The following IGF1R variants were observed in gnomAD, a reference collection of about 807,000 sequenced individuals.
The protein encoded by IGF1R is insulin-like growth factor 1 receptor.
Under a neutral mutation model 144.6 loss-of-function variants are expected in IGF1R, and 44 were observed. The observed-to-expected ratio is 0.30, with a 90% CI of 0.24 to 0.39. IGF1R has a LOEUF of 0.39. Ranked by LOEUF, IGF1R falls within the 10% of genes least tolerant of loss-of-function variation. The pLI, the probability that IGF1R is intolerant of heterozygous loss-of-function variation, is 1.00. For synonymous variants in IGF1R, 795 were observed against 722.8 expected, an observed-to-expected ratio of 1.10 and a Z score of -1.60; for missense variants, 1,355 against 1,833.7, an observed-to-expected ratio of 0.74 and a Z score of 4.77.
intron 8 of IGF1R, among the ~76,000 whole-genome samples, chr15:98,914,749 C>T (rs962094136): frequency 5.3e-5 from 8 of 152,124 alleles, no homozygotes; most frequent in Non-Finnish European, 1.2e-4. Context: ...TGAGTCAGTT[C>T]ACTACGTTTT....
At chr15:98,888,438 A>AGAGAGT (rs1555457179) in intron 2 of IGF1R, among the ~76,000 whole-genome samples, 2,809 of 143,392 alleles carry the variant, frequency 0.02, 39 homozygotes, top group South Asian at 0.046. Flanking sequence ...AGAGAGAGAG[A>AGAGAGT]GTGTGTGTGT....
At chr15:98,725,308 A>G (rs2054331899) in intron 2 of IGF1R, among the ~76,000 whole-genome samples, 1 of 152,192 alleles carries the variant, frequency 6.6e-6, no homozygotes, top group Non-Finnish European at 1.5e-5. Flanking sequence ...TCTGAATTGG[A>G]AAAAAACAAA....
At chr15:98,764,054 C>T (rs1263975459) in intron 2 of IGF1R, among the ~76,000 whole-genome samples, 1 of 152,220 alleles carries the variant, frequency 6.6e-6, no homozygotes, top group South Asian at 2.1e-4. Context: ...CTTGTCATGG[C>T]ATCCGATTTG....
At chr15:98,678,112 G>T (rs2053093747) in intron 1 of IGF1R, among the ~76,000 whole-genome samples, 1 of 152,136 alleles carries the variant, frequency 6.6e-6, no homozygotes. Flanking sequence ...GTCATCAGAT[G>T]TCATTTTGGC....
At chr15:98,856,483 G>T (rs1242814975) in intron 2 of IGF1R, among the ~76,000 whole-genome samples, 1 of 152,216 alleles carries the variant, frequency 6.6e-6, no homozygotes, top group Non-Finnish European at 1.5e-5. Context: ...TGGGCCTGGT[G>T]TTTAACTGCA....
intron 1 of IGF1R, among the ~76,000 whole-genome samples, chr15:98,680,270 CTT>C (rs61048587): frequency 2.8e-4 from 40 of 145,206 alleles, no homozygotes; most frequent in East Asian, 2.2e-3. Flanking sequence ...CGTATGTATA[CTT>C]TTTTTTTTTT....
intron 18 of IGF1R, among the ~76,000 whole-genome samples, chr15:98,940,468 A>G (rs564615165): frequency 6.6e-6 from 1 of 152,352 alleles, no homozygotes; most frequent in Non-Finnish European, 1.5e-5. Context: ...CAGTGGCACA[A>G]TCTTGGCTCA....
At chr15:98,939,530 G>A (rs762720490) in intron 18 of IGF1R, among the ~76,000 whole-genome samples, 170 bp downstream of exon 18, 13 of 152,142 alleles carry the variant, frequency 8.5e-5, no homozygotes, top group Admixed American at 2.6e-4. Context: ...AACCTGGCAC[G>A]GTCGGTCCCA....
intron 2 of IGF1R, among the ~76,000 whole-genome samples, chr15:98,833,598 A>AG (rs2057040784): frequency 6.6e-6 from 1 of 152,236 alleles, no homozygotes; most frequent in African/African-American, 2.4e-5. Context: ...GAATGGGAAT[A>AG]GGGAGAAGGT....
At chr15:98,744,147 G>A (rs931873108) in intron 2 of IGF1R, among the ~76,000 whole-genome samples, 3 of 151,970 alleles carry the variant, frequency 2.0e-5, no homozygotes, top group Non-Finnish European at 4.4e-5. Context: ...AAACACACAT[G>A]AGATAATTCT....
intron 2 of IGF1R, among the ~76,000 whole-genome samples, chr15:98,761,449 C>T (rs1240548647): frequency 6.6e-6 from 1 of 152,170 alleles, no homozygotes; most frequent in African/African-American, 2.4e-5. Context: ...GGAAAAGTGA[C>T]TTCATGGACC....
intron 5 of IGF1R, among the ~76,000 whole-genome samples, chr15:98,905,932 G>GT (rs1196130650): frequency 6.6e-6 from 1 of 152,138 alleles, no homozygotes; most frequent in Non-Finnish European, 1.5e-5. Context: ...AACAAGCATG[G>GT]TATTGACAGG....
At chr15:98,811,654 T>C (rs2056591927) in intron 2 of IGF1R, among the ~76,000 whole-genome samples, 1 of 151,708 alleles carries the variant, frequency 6.6e-6, no homozygotes, top group African/African-American at 2.4e-5. Context: ...CAGCTGGGCG[T>C]GGTGGCTGAC....
intron 2 of IGF1R, among the ~76,000 whole-genome samples, chr15:98,849,787 C>A (rs1026647446): frequency 6.6e-6 from 1 of 152,160 alleles, no homozygotes; most frequent in Non-Finnish European, 1.5e-5. Context: ...AGAAGAAACA[C>A]AAATAGCTAA....
rs748396090 is a variant in IGF1R, at chr15:98,948,598, G to A, written c.3612G>A (p.Glu1204=). The change falls in exon 20 of 21, where the codon GAG becomes GAA. Residue 1204 remains glutamate, a synonymous_variant. Coordinates refer to ENST00000650285, the MANE Select transcript of IGF1R (RefSeq NM_000875.5). Reference sequence around the variant, plus strand: ...GGTCCTTCGGGGTCGTCCTCTGGGAGATCGCCACACTGGCCGAGCAGCCCT... The same window carrying A: ...GGTCCTTCGGGGTCGTCCTCTGGGAAATCGCCACACTGGCCGAGCAGCCCT... The part of the protein sequence containing the change: ...DVWSFGVVLW[E]IATLAEQPYQ... 2.5e-6 allele frequency: 4 copies of A among 1,614,140 alleles called. No individual in the cohort carries two copies. In the Middle Eastern group the frequency reaches 5.0e-4, roughly 200 times the overall value.
chr15:98,781,411 A>C (rs1255883457), intron 2 of IGF1R, among the ~76,000 whole-genome samples: 14 of 152,178 alleles, frequency 9.2e-5, no homozygotes, highest in Admixed American at 9.2e-4. Context: ...TTAAATTACT[A>C]ATGTCGCACA....
At chr15:98,833,216 C>G (rs1400339373) in intron 2 of IGF1R, among the ~76,000 whole-genome samples, 1 of 152,216 alleles carries the variant, frequency 6.6e-6, no homozygotes, top group Non-Finnish European at 1.5e-5. Flanking sequence ...TCTGATCTCC[C>G]TCTACCTCTC....
chr15:98,713,053 C>T (rs1420797995), intron 2 of IGF1R, among the ~76,000 whole-genome samples: 1 of 151,888 alleles, frequency 6.6e-6, no homozygotes, highest in Non-Finnish European at 1.5e-5. Flanking sequence ...ATGTGCCACT[C>T]CCTCCCGCCT....
intron 20 of IGF1R, 29 bp from the exon 21 acceptor site, chr15:98,957,032 G>A (rs1158217576): frequency 6.2e-7 from 1 of 1,613,802 alleles, no homozygotes; most frequent in Non-Finnish European, 8.5e-7. Context: ...CTCCCGGTTT[G>A]GACCCCCTCC....
Sources: allele counts gnomAD v4.1 joint callset (sites outside exome capture counted in the v4.1 genomes callset), GRCh38; gene constraint gnomAD v4.1.1; transcripts MANE v1.5; gene names NCBI Gene and HGNC (gene_info 2026-07-23, HGNC 2026-07-21).